The following HECTD4 variants were observed in gnomAD, a reference collection of about 807,000 sequenced individuals.
HECTD4 encodes probable E3 ubiquitin-protein ligase HECTD4.
Under a neutral mutation model 471.5 loss-of-function variants are expected in HECTD4, and 114 were observed. The observed-to-expected ratio is 0.24, with a 90% CI of 0.21 to 0.28. HECTD4 has a LOEUF of 0.28. HECTD4 is among the 10% of genes least tolerant of loss of function. The pLI is 1.00. For synonymous variants in HECTD4, 2,012 were observed against 2,256.0 expected (o/e 0.89, Z 3.07); for missense variants, 3,866 against 5,651.5 (o/e 0.68, Z 10.13).
At chr12:112,296,803 G>C (rs1489252170) in intron 7 of HECTD4, among the ~76,000 whole-genome samples, 1 of 148,360 alleles carries the variant, frequency 6.7e-6, no homozygotes. Flanking sequence ...GGTGCAGAGG[G>C]TGTAGGTGCA....
At chr12:112,264,056 C>T (rs374235795) in intron 17 of HECTD4, 28 bp downstream of exon 17, 1 of 1,599,198 alleles carries the variant, frequency 6.3e-7, no homozygotes, top group Non-Finnish European at 8.5e-7. Flanking sequence ...GGGTAGAACG[C>T]ATCGTTAAAA....
In HECTD4 at chr12:112,186,723, A is replaced by G. The variant is rs2031878393; in HGVS notation, c.9473-1230T>C. On this transcript the variant is annotated intron_variant, in intron 60 of 75. Transcript: ENST00000682272. ...TCTCTTATCACCCAGGCTGGAGTGCAGTGGCGCGATCTCAGCTCACTGCAA... is the reference window on the plus strand; with the variant it reads ...TCTCTTATCACCCAGGCTGGAGTGCGGTGGCGCGATCTCAGCTCACTGCAA... Among the ~76,000 whole-genome samples, 2 of 150,010 alleles carry G rather than the reference A, an allele frequency of 1.3e-5. 1 individual carries two copies. Among genetic ancestry groups the G allele is most frequent in the South Asian group, 4.2e-4 (2 of 4,768 alleles).
intron 1 of HECTD4, among the ~76,000 whole-genome samples, chr12:112,368,306 T>C (rs2036604861): frequency 1.3e-5 from 2 of 152,272 alleles, no homozygotes; most frequent in Admixed American, 1.3e-4. Context: ...ATATTCAACA[T>C]TATTGGGAGA....
intron 1 of HECTD4, among the ~76,000 whole-genome samples, chr12:112,350,308 C>A (rs375946805): frequency 6.6e-6 from 1 of 152,138 alleles, no homozygotes; most frequent in Non-Finnish European, 1.5e-5. Flanking sequence ...TCAAAATAAA[C>A]GTGCCATTCT....
At chr12:112,316,307 T>A (rs2035477801) in intron 2 of HECTD4, among the ~76,000 whole-genome samples, 1 of 152,194 alleles carries the variant, frequency 6.6e-6, no homozygotes, top group Non-Finnish European at 1.5e-5. Context: ...AGTAAGGCCT[T>A]CCCTGGCATC....
At chr12:112,178,808 C>T (rs1323911158) in intron 64 of HECTD4, 123 bp downstream of exon 64, 3 of 1,152,830 alleles carry the variant, frequency 2.6e-6, no homozygotes, top group Non-Finnish European at 3.6e-6. Flanking sequence ...GGCGACAAAG[C>T]ATGACAAAAA....
chr12:112,287,952 C>T (rs1197909535), intron 7 of HECTD4, among the ~76,000 whole-genome samples: 1 of 151,914 alleles, frequency 6.6e-6, no homozygotes, highest in Non-Finnish European at 1.5e-5. Context: ...ATGAATGATG[C>T]ATCCTTGTAT....
At chr12:112,249,535 A>G (rs932105334) in intron 25 of HECTD4, 4 of 154,098 alleles carry the variant, frequency 2.6e-5, no homozygotes, top group African/African-American at 9.7e-5. Flanking sequence ...GCTAAAAACG[A>G]TAGTGTTTTC....
intron 35 of HECTD4, among the ~76,000 whole-genome samples, chr12:112,236,526 A>G (rs1175746897): frequency 1.3e-5 from 2 of 152,230 alleles, no homozygotes; most frequent in Non-Finnish European, 2.9e-5. Context: ...CTCGTGGCTC[A>G]CACAGGGAGT....
Position 112,193,324 on chromosome 12 carries a change from A to G in HECTD4, c.8956-133T>C, listed in dbSNP as rs2032143882. On this transcript the variant is annotated intron_variant, in intron 57 of 75. Coordinates refer to ENST00000682272, the MANE Select transcript of HECTD4 (RefSeq NM_001388303.1). This position sits in a 1 kb window ranked among gnomAD's most constrained non-coding sequence, Gnocchi z 5.2. ...TCTGGAAGGAAGCAAGCTACAGATG[A>G]GATAAAGCAGAAAAGCTTCTAGGAA... The G allele has an allele frequency of 1.5e-6, 2 of 1,346,124 alleles. No homozygotes were observed. Among genetic ancestry groups the G allele is most frequent in the South Asian group, 2.7e-5 (2 of 74,788 alleles). 83.4% of individuals were successfully genotyped at this position (1,346,124 alleles called of 1,614,324 possible). A position where few individuals can be genotyped will look rare whatever the true frequency, so the allele number is the denominator to read the frequency against.
rs756776253 is a variant in HECTD4 at position 112,235,462 on chromosome 12, T to G, written c.5725+42A>C. 2 of 1,562,354 alleles carry G rather than the reference T, an allele frequency of 1.3e-6. No individual in the cohort carries two copies. Among genetic ancestry groups the G allele is most frequent in the Admixed American group, 3.7e-5 (2 of 54,186 alleles). ...AGGGGGACCTGACTGGGCACAGGAA[T>G]GCTGCACTGCCATGCTACTCTCCTG... On this transcript the variant is annotated intron_variant, in intron 36 of 75. Transcript: ENST00000682272. This position sits in a 1 kb window ranked among gnomAD's most constrained non-coding sequence, Gnocchi z 5.0.
chr12:112,340,093 T>C (rs2036029521), intron 1 of HECTD4, among the ~76,000 whole-genome samples: 1 of 152,032 alleles, frequency 6.6e-6, no homozygotes, highest in South Asian at 2.1e-4. Flanking sequence ...GTATTTTCAA[T>C]TTATGATGGG....
In HECTD4 at chr12:112,164,290, C is replaced by T; in HGVS notation, c.12535-15G>A. 6.2e-7 allele frequency: 1 copy of T among 1,603,756 alleles called. No homozygotes were observed. Among genetic ancestry groups the T allele is most frequent in the Non-Finnish European group, 8.5e-7 (1 of 1,173,176 alleles). The stretch of plus-strand genomic sequence containing the variant: ...TCATCATTGATCTGGAGGGTGGAGG[C>T]AGAGCGAGGCTCATTATGAGGCCAT... On this transcript the variant is annotated splice_polypyrimidine_tract_variant and intron_variant, in intron 72 of 75. Coordinates refer to ENST00000682272, the MANE Select transcript of HECTD4 (RefSeq NM_001388303.1).
In HECTD4 at chr12:112,173,594, C is replaced by T. The variant is rs2031319454; in HGVS notation, c.11595-733G>A. 1.3e-5 allele frequency among the ~76,000 whole-genome samples: 2 copies of T among 151,828 alleles called. No individual in the cohort carries two copies. The highest frequency in any genetic ancestry group is 4.8e-5 in the African/African-American group (2 of 41,332). On this transcript the variant is annotated intron_variant, in intron 66 of 75. Transcript: ENST00000682272. This position sits in a 1 kb window ranked among gnomAD's most constrained non-coding sequence, Gnocchi z 4.3. The stretch of plus-strand genomic sequence containing the variant: ...TATTTTTAGTAGAGACGAGGTTTCA[C>T]CGTGTTAGCCAGGATGGTCTCAATC...
chr12:112,167,756 A>G, intron 71 of HECTD4, 58 bp downstream of exon 71: 2 of 1,454,564 alleles, frequency 1.4e-6, no homozygotes, highest in Non-Finnish European at 1.9e-6. Flanking sequence ...CCGCCACCCC[A>G]GCCACTGCGC....
rs12579654 is a variant in HECTD4 at position 112,232,755 on chromosome 12, T to C, written c.5997+249A>G. ...CTATTAAACTATTTTCAACTTCAAA[T>C]TATTAAACTTTCTTAAAAGAGCTAA... On this transcript the variant is annotated intron_variant, in intron 38 of 75. Coordinates refer to ENST00000682272, the MANE Select transcript of HECTD4 (RefSeq NM_001388303.1). Among the ~76,000 whole-genome samples the C allele has an allele frequency of 0.055, 8,434 of 152,210 alleles. 1,290 individuals are homozygous for C. The East Asian group carries it at 0.61, about 11-fold the overall frequency.
At chr12:112,295,755 C>A (rs2034994759) in intron 7 of HECTD4, among the ~76,000 whole-genome samples, 1 of 151,556 alleles carries the variant, frequency 6.6e-6, no homozygotes, top group Non-Finnish European at 1.5e-5. Flanking sequence ...AATCCTCCCA[C>A]CTTAGCCCTC....
chr12:112,289,449 T>C (rs1294366995), intron 7 of HECTD4, among the ~76,000 whole-genome samples: 3 of 152,200 alleles, frequency 2.0e-5, no homozygotes, highest in Non-Finnish European at 4.4e-5. Context: ...GTCGTTTCAA[T>C]CCATTAGTTT....
chr12:112,162,568 T>G lies in HECTD4; in HGVS notation c.13121-45A>C. 6.2e-7 allele frequency: 1 copy of G among 1,612,272 alleles called. No homozygotes were observed. Among genetic ancestry groups the G allele is most frequent in the East Asian group, 2.2e-5 (1 of 44,828 alleles). ...CATCAGAGGGTTGGGCCCACATCTG[T>G]GAGGCTCCCAGGGAAGCTGGGCTGG... is the stretch of plus-strand genomic sequence containing the variant. On this transcript the variant is annotated intron_variant, in intron 75 of 75. Coordinates refer to ENST00000682272, the MANE Select transcript of HECTD4 (RefSeq NM_001388303.1). This position sits in a 1 kb window ranked among gnomAD's most constrained non-coding sequence, Gnocchi z 5.2.
Sources: gnomAD v4.1 joint callset for allele counts (sites outside exome capture counted in the v4.1 genomes callset) on GRCh38, gnomAD v4.1.1 for gene constraint, Gnocchi (gnomAD v3.1) non-coding constraint, MANE v1.5 for transcripts, NCBI Gene and HGNC (gene_info 2026-07-23, HGNC 2026-07-21) for gene names.